AUH: variants seen among roughly 807,000 people sequenced by gnomAD.
AUH encodes methylglutaconyl-CoA hydratase, mitochondrial.
Under a neutral mutation model 42.3 loss-of-function variants are expected in AUH, and 29 were observed. That is an observed-to-expected ratio of 0.69 (90% CI 0.51 to 0.93). The LOEUF is 0.93. AUH is among the 40% of genes least tolerant of loss of function. The pLI is 0.00. For synonymous variants in AUH, 174 were observed against 166.4 expected (o/e 1.05, Z -0.35); for missense variants, 452 against 438.1 (o/e 1.03, Z -0.28).
At chr9:91,332,941 C>A (rs901636704) in intron 3 of AUH, among the ~76,000 whole-genome samples, 2 of 151,876 alleles carry the variant, frequency 1.3e-5, no homozygotes, top group Admixed American at 6.5e-5. Context: ...AACCACTCTG[C>A]GGTTCTCGCT....
intron 3 of AUH, among the ~76,000 whole-genome samples, chr9:91,340,011 T>G (rs1281208764): frequency 6.6e-6 from 1 of 152,168 alleles, no homozygotes; most frequent in East Asian, 1.9e-4. Context: ...TAAAATGCAC[T>G]AGGGTTCCCT....
intron 3 of AUH, among the ~76,000 whole-genome samples, chr9:91,335,090 G>A (rs1478625558): frequency 6.6e-6 from 1 of 152,164 alleles, no homozygotes; most frequent in Non-Finnish European, 1.5e-5. Flanking sequence ...CATAAAATGA[G>A]CTGGAAAAGA....
intron 6 of AUH, among the ~76,000 whole-genome samples, chr9:91,249,290 C>A (rs12349029): frequency 1.7e-5 from 1 of 60,178 alleles, no homozygotes. Flanking sequence ...GAGAACCTGT[C>A]TCAAAAAAAA....
At chr9:91,349,575 A>G (rs1297477217) in intron 3 of AUH, among the ~76,000 whole-genome samples, 1 of 152,164 alleles carries the variant, frequency 6.6e-6, no homozygotes, top group African/African-American at 2.4e-5. Context: ...TGATTGGCAA[A>G]TATTAAAATT....
intron 3 of AUH, among the ~76,000 whole-genome samples, chr9:91,334,522 C>T (rs1019322734): frequency 3.1e-4 from 29 of 94,876 alleles, no homozygotes; most frequent in Admixed American, 1.4e-3. Flanking sequence ...GGCCTTTGGA[C>T]GCAGACTGAA....
chr9:91,300,684 G>A (rs1827713712), intron 4 of AUH, among the ~76,000 whole-genome samples: 1 of 152,170 alleles, frequency 6.6e-6, no homozygotes, highest in South Asian at 2.1e-4. Flanking sequence ...CATTTAGCAT[G>A]GCACAGGAAG....
At chr9:91,285,227 A>C (rs576977929) in intron 6 of AUH, among the ~76,000 whole-genome samples, 33 of 150,962 alleles carry the variant, frequency 2.2e-4, no homozygotes, top group Non-Finnish European at 4.4e-4. Context: ...ACCAAACACC[A>C]CATGTTCTCA....
chr9:91,297,531 A>C (rs1827443132), intron 5 of AUH, among the ~76,000 whole-genome samples: 1 of 152,110 alleles, frequency 6.6e-6, no homozygotes. Context: ...ATTTCCTCTA[A>C]AGAGGAAGAT....
In AUH at chr9:91,220,902, T is replaced by C. The variant is rs752072326; in HGVS notation, c.746A>G (p.Lys249Arg). 3.0e-5 allele frequency: 49 copies of C among 1,614,140 alleles called. 1 individual carries two copies. The highest frequency in any genetic ancestry group is 4.1e-5 in the Non-Finnish European group (48 of 1,180,054). ...SARVLDGKEAKAVGLISHVLE... is the reference protein window; with the variant it reads ...SARVLDGKEARAVGLISHVLE... ...AACGTGGCTGATTAAGCCCACTGCT[T>C]TGGCTTCTTTGCCATCGAGGACTCG... Residue 249 changes from lysine (K) to arginine (R), a missense_variant, in exon 7 of 10, where the codon AAA becomes AGA. Lys to Arg is a conservative substitution (Grantham distance 26). Transcript: ENST00000375731.
intron 6 of AUH, among the ~76,000 whole-genome samples, chr9:91,288,022 T>C (rs899595935): frequency 2.0e-5 from 3 of 152,000 alleles, no homozygotes; most frequent in African/African-American, 7.2e-5. Context: ...CTATTCAAAC[T>C]TCCTAGTTTG....
At chr9:91,312,137 G>A (rs1319514239) in intron 4 of AUH, among the ~76,000 whole-genome samples, 1 of 151,946 alleles carries the variant, frequency 6.6e-6, no homozygotes, top group Non-Finnish European at 1.5e-5. Flanking sequence ...ATACAGAACT[G>A]CTTTCTGATC....
In AUH at chr9:91,361,752, G is replaced by A; in HGVS notation, c.138C>T (p.Gly46=). 1 of 1,544,590 alleles carries A rather than the reference G, an allele frequency of 6.5e-7. No individual in the cohort carries two copies. The highest frequency in any genetic ancestry group is 8.7e-7 in the Non-Finnish European group (1 of 1,145,256). ...LPGSLAGRRA[G]PAIWAQGWVP... Reference sequence around the variant, plus strand: ...CCCAGCCCTGGGCCCAGATCGCCGGGCCCGCTCGCCGGCCTGCCAACGAGC... The same window carrying A: ...CCCAGCCCTGGGCCCAGATCGCCGGACCCGCTCGCCGGCCTGCCAACGAGC... Residue 46 remains glycine, a synonymous_variant, in exon 1 of 10, where the codon GGC becomes GGT. Transcript: ENST00000375731.
chr9:91,232,086 G>GATC (rs1194497657), intron 6 of AUH, among the ~76,000 whole-genome samples: 1 of 152,172 alleles, frequency 6.6e-6, no homozygotes, highest in African/African-American at 2.4e-5. Flanking sequence ...TGTTTACATA[G>GATC]ATCAATACAC....
rs539208726 is a variant in AUH, at chr9:91,289,076, C to T, written c.655+6945G>A. 2.0e-5 allele frequency among the ~76,000 whole-genome samples: 3 copies of T among 152,230 alleles called. No homozygotes were observed. The South Asian group carries it at 6.2e-4, about 32-fold the overall frequency. On this transcript the variant is annotated intron_variant, in intron 6 of 9. Coordinates refer to ENST00000375731, the MANE Select transcript of AUH (RefSeq NM_001698.3). ...GTGATGATATGACAATCAATAGCAT[C>T]ACATTAATTCTCTTGTCTTTATCAA... is the stretch of plus-strand genomic sequence containing the variant.
At chr9:91,335,542 T>C (rs569824364) in intron 3 of AUH, among the ~76,000 whole-genome samples, 49 of 152,230 alleles carry the variant, frequency 3.2e-4, no homozygotes, top group Non-Finnish European at 4.7e-4. Flanking sequence ...TCCATGTCAT[T>C]AGTTTATGCT....
At chr9:91,307,491 G>A (rs1321181108) in intron 4 of AUH, among the ~76,000 whole-genome samples, 4 of 151,982 alleles carry the variant, frequency 2.6e-5, no homozygotes, top group Non-Finnish European at 5.9e-5. Context: ...AATATTACAC[G>A]GAAAAGTCCA....
rs1170982692 is a variant in AUH, at chr9:91,359,490, CTTG to C, written c.262+2135_262+2137del. Among the ~76,000 whole-genome samples the C allele has an allele frequency of 3.3e-5, 5 of 151,772 alleles. No individual in the cohort carries two copies. In the East Asian group the frequency reaches 7.7e-4, roughly 23 times the overall value. On this transcript the variant is annotated intron_variant, in intron 1 of 9. Coordinates refer to ENST00000375731, the MANE Select transcript of AUH (RefSeq NM_001698.3). ...TTTCTTTTTTTTTAAGAGACAAGGT[CTTG>C]TTGTGTCACCCAGACTGGAGTGCAG... is the stretch of plus-strand genomic sequence containing the variant.
chr9:91,307,605 T>C (rs924864632), intron 4 of AUH, among the ~76,000 whole-genome samples: 1 of 152,208 alleles, frequency 6.6e-6, no homozygotes, highest in African/African-American at 2.4e-5. Context: ...TAAGGGTGAG[T>C]ATAATGCAGT....
At chr9:91,296,892 T>C (rs1248581630) in intron 5 of AUH, among the ~76,000 whole-genome samples, 2 of 152,248 alleles carry the variant, frequency 1.3e-5, no homozygotes, top group Non-Finnish European at 2.9e-5. Context: ...GGTCTCCTTA[T>C]GCTGCCCAGG....
Sources: gnomAD v4.1 joint callset for allele counts (sites outside exome capture counted in the v4.1 genomes callset) on GRCh38, gnomAD v4.1.1 for gene constraint, MANE v1.5 for transcripts, NCBI Gene and HGNC (gene_info 2026-07-23, HGNC 2026-07-21) for gene names.